PDGFD: variants seen among roughly 807,000 people sequenced by gnomAD.
PDGFD encodes the protein platelet derived growth factor D.
PDGFD carries 30 observed loss-of-function variants against 44.7 expected under a neutral mutation model. The ratio of observed to expected loss-of-function variants is 0.67; its 90% confidence interval spans 0.50 to 0.91. The LOEUF (loss-of-function observed/expected upper bound fraction) is 0.91. Ranked by LOEUF, PDGFD falls within the 40% of genes least tolerant of loss-of-function variation. The pLI, the probability that PDGFD is intolerant of heterozygous loss-of-function variation, is 0.00. For missense variants in PDGFD, 445 were observed against 457.8 expected (o/e 0.97, Z 0.25); for synonymous variants, 173 against 168.4 (o/e 1.03, Z -0.21).
At chr11:103,935,204 G>T (rs551014666) in intron 5 of PDGFD, among the ~76,000 whole-genome samples, 12 of 152,254 alleles carry the variant, frequency 7.9e-5, no homozygotes, top group Non-Finnish European at 1.2e-4. Context: ...TTGATAATGA[G>T]GGTGGGGTTA....
At chr11:104,035,561 C>CTTTTT (rs3050598) in intron 1 of PDGFD, among the ~76,000 whole-genome samples, 114 of 115,186 alleles carry the variant, frequency 9.9e-4, no homozygotes, top group African/African-American at 1.6e-3. Flanking sequence ...ACTTCTTTTT[C>CTTTTT]TTTTTTTTTT....
At position 104,126,565 on chromosome 11, in the gene PDGFD, C is replaced by T. The variant is rs140705721; in HGVS notation, c.124+37239G>A. ...ACTATGTGCTAGGCATTATGCTAGA[C>T]GCTAAAGAAATAAACATAATTAGGA... On this transcript the variant is annotated intron_variant, in intron 1 of 6. Coordinates refer to ENST00000393158, the MANE Select transcript of PDGFD (RefSeq NM_025208.5). Among the ~76,000 whole-genome samples, 808 of 152,142 alleles carry T rather than the reference C, an allele frequency of 5.3e-3. 3 individuals carry two copies. Among genetic ancestry groups the T allele is most frequent in the African/African-American group, 7.9e-3 (328 of 41,530 alleles).
chr11:104,135,845 G>A (rs989963359), intron 1 of PDGFD, among the ~76,000 whole-genome samples: 1 of 152,170 alleles, frequency 6.6e-6, no homozygotes, highest in Non-Finnish European at 1.5e-5. Context: ...GGGACTGAAT[G>A]TAAGGGTCTG....
chr11:104,060,866 TGC>T, intron 1 of PDGFD, among the ~76,000 whole-genome samples: 1 of 152,216 alleles, frequency 6.6e-6, no homozygotes, highest in African/African-American at 2.4e-5. Context: ...TCACAAAATT[TGC>T]CATTTTAACC....
At chr11:103,988,930 CAT>C (rs1243732605) in intron 3 of PDGFD, among the ~76,000 whole-genome samples, 2 of 152,074 alleles carry the variant, frequency 1.3e-5, no homozygotes, top group Admixed American at 1.3e-4. Context: ...ATATTTACGA[CAT>C]GTCAGGCATT....
intron 1 of PDGFD, among the ~76,000 whole-genome samples, chr11:104,105,058 A>G (rs1861453473): frequency 6.6e-6 from 1 of 152,206 alleles, no homozygotes; most frequent in African/African-American, 2.4e-5. Flanking sequence ...CACTGTGTTA[A>G]GCATTTTACA....
intron 1 of PDGFD, among the ~76,000 whole-genome samples, chr11:104,080,534 A>G (rs1861030155): frequency 6.6e-6 from 1 of 152,188 alleles, no homozygotes; most frequent in Non-Finnish European, 1.5e-5. Flanking sequence ...GCTGCATATC[A>G]GTTTCAGTGC....
chr11:104,093,272 A>T (rs1275422408), intron 1 of PDGFD, among the ~76,000 whole-genome samples: 2 of 152,012 alleles, frequency 1.3e-5, no homozygotes, highest in Non-Finnish European at 2.9e-5. Context: ...GATTTGAATC[A>T]TCCTACATGG....
In PDGFD at chr11:103,954,854, G is replaced by A. The variant is rs76511728; in HGVS notation, c.511-7130C>T. 1.5e-3 allele frequency among the ~76,000 whole-genome samples: 228 copies of A among 152,160 alleles called. 1 individual carries two copies. Among genetic ancestry groups the A allele is most frequent in the African/African-American group, 5.2e-3 (214 of 41,468 alleles). The stretch of plus-strand genomic sequence containing the variant: ...AAGCATTCAAAAGAAAGACAAAGGG[G>A]TTTGTTAAGATTCATAAAACAGTAA... On this transcript the variant is annotated intron_variant, in intron 3 of 6. Transcript: ENST00000393158.
intron 1 of PDGFD, among the ~76,000 whole-genome samples, chr11:104,130,231 A>G (rs1178950020): frequency 2.6e-5 from 4 of 152,114 alleles, no homozygotes; most frequent in Non-Finnish European, 4.4e-5. Flanking sequence ...GTCATTTGTA[A>G]TCCCCCCCTT....
chr11:104,036,249 G>A (rs747921945), intron 1 of PDGFD, among the ~76,000 whole-genome samples: 15 of 151,954 alleles, frequency 9.9e-5, no homozygotes, highest in East Asian at 1.9e-4. Context: ...AGGCCAGCCC[G>A]GACAACACAG....
intron 1 of PDGFD, among the ~76,000 whole-genome samples, chr11:104,154,509 T>C (rs980467752): frequency 6.6e-6 from 1 of 152,110 alleles, no homozygotes; most frequent in Non-Finnish European, 1.5e-5. Context: ...GTGGGGATGA[T>C]TTCAAATCAC....
intron 6 of PDGFD, among the ~76,000 whole-genome samples, chr11:103,918,250 T>TA (rs1263038763): frequency 6.6e-6 from 1 of 152,202 alleles, no homozygotes; most frequent in Non-Finnish European, 1.5e-5. Flanking sequence ...CTATTGCACT[T>TA]ACAATAGGTA....
chr11:103,930,132 T>TA (rs1430175116), intron 5 of PDGFD, among the ~76,000 whole-genome samples: 1 of 152,176 alleles, frequency 6.6e-6, no homozygotes, highest in African/African-American at 2.4e-5. Context: ...TGACATCAAT[T>TA]AAGTTTTTTG....
chr11:103,935,181 G>T (rs528189447), intron 5 of PDGFD, among the ~76,000 whole-genome samples: 16 of 152,276 alleles, frequency 1.1e-4, no homozygotes, highest in African/African-American at 3.6e-4. Context: ...ATGCCTAGAT[G>T]AGGGGAATAA....
intron 1 of PDGFD, among the ~76,000 whole-genome samples, chr11:104,126,227 T>C (rs1565342845): frequency 6.6e-6 from 1 of 152,148 alleles, no homozygotes; most frequent in Non-Finnish European, 1.5e-5. Context: ...CCCTTGCACT[T>C]GGGACAGAGC....
intron 1 of PDGFD, among the ~76,000 whole-genome samples, chr11:104,062,923 C>T (rs1591145313): frequency 2.0e-5 from 3 of 152,218 alleles, no homozygotes; most frequent in Middle Eastern, 6.8e-3. Flanking sequence ...TCCTGTGAAA[C>T]GTTGTGAACC....
intron 5 of PDGFD, among the ~76,000 whole-genome samples, chr11:103,939,704 C>T (rs1487912): frequency 0.027 from 4,059 of 151,998 alleles, 180 homozygotes; most frequent in African/African-American, 0.092. Flanking sequence ...TGCACACTTC[C>T]GATACTCATT....
chr11:104,155,121 T>C (rs1262073072), intron 1 of PDGFD, among the ~76,000 whole-genome samples: 1 of 152,222 alleles, frequency 6.6e-6, no homozygotes, highest in Non-Finnish European at 1.5e-5. Context: ...AGAAGAATGA[T>C]AATAATACTT....
Sources: allele counts gnomAD v4.1 joint callset (sites outside exome capture counted in the v4.1 genomes callset), GRCh38; gene constraint gnomAD v4.1.1; transcripts MANE v1.5; gene names NCBI Gene and HGNC (gene_info 2026-07-23, HGNC 2026-07-21).